ANO3: variants seen among roughly 807,000 people sequenced by gnomAD.
The protein encoded by ANO3 is anoctamin-3.
In ANO3, 99 loss-of-function variants were observed where a neutral mutation model predicts 144.8. The observed-to-expected ratio is 0.68, with a 90% CI of 0.58 to 0.81. ANO3 has a LOEUF of 0.81. Ranked by LOEUF, ANO3 falls within the 30% of genes least tolerant of loss-of-function variation. The pLI is 0.00. For missense variants in ANO3, 905 were observed against 1,202.2 expected (o/e 0.75, Z 3.66); for synonymous variants, 414 against 392.6 (o/e 1.05, Z -0.64).
chr11:26,577,255 AT>A (rs1425954702), intron 14 of ANO3, among the ~76,000 whole-genome samples: 2 of 152,050 alleles, frequency 1.3e-5, no homozygotes, highest in Admixed American at 6.6e-5. Context: ...TAGGTATCAG[AT>A]TTTTTTTAAA....
chr11:26,300,912 G>T (rs1854216347), intron 1 of ANO3, among the ~76,000 whole-genome samples: 1 of 143,746 alleles, frequency 7.0e-6, no homozygotes, highest in South Asian at 2.2e-4. Flanking sequence ...GAAGTGCAGT[G>T]GTGCAATTTC....
intron 1 of ANO3, among the ~76,000 whole-genome samples, chr11:26,416,876 C>G (rs10501049): frequency 0.081 from 12,335 of 152,052 alleles, 651 homozygotes; most frequent in Non-Finnish European, 0.12. Context: ...TGGGTAAACA[C>G]AAGGAAATGT....
At chr11:26,226,126 A>G (rs922285822) in intron 1 of ANO3, among the ~76,000 whole-genome samples, 1 of 152,084 alleles carries the variant, frequency 6.6e-6, no homozygotes, top group African/African-American at 2.4e-5. Flanking sequence ...GTGTTTCCCT[A>G]AATCACTTTC....
At chr11:26,451,439 C>A (rs1441654056) in intron 3 of ANO3, among the ~76,000 whole-genome samples, 2 of 152,232 alleles carry the variant, frequency 1.3e-5, no homozygotes, top group Non-Finnish European at 2.9e-5. Flanking sequence ...TTAAATCCTG[C>A]ACCTGGCTCG....
intron 1 of ANO3, among the ~76,000 whole-genome samples, chr11:26,296,330 T>TTC (rs1854086983): frequency 2.0e-5 from 3 of 152,094 alleles, no homozygotes; most frequent in African/African-American, 7.3e-5. Flanking sequence ...ACAAAACATC[T>TTC]ACAAGAGATG....
intron 1 of ANO3, among the ~76,000 whole-genome samples, chr11:26,377,510 TATAAC>T (rs1213555608): frequency 1.3e-5 from 2 of 151,652 alleles, no homozygotes; most frequent in Non-Finnish European, 2.9e-5. Context: ...AAACGCAAAA[TATAAC>T]AGAAAACAAT....
intron 4 of ANO3, among the ~76,000 whole-genome samples, chr11:26,490,619 G>A (rs537662075): frequency 5.9e-5 from 9 of 152,208 alleles, no homozygotes; most frequent in East Asian, 1.9e-4. Flanking sequence ...ACAGTATAAC[G>A]TCACAGAGAA....
Position 26,553,242 on chromosome 11 carries a change from T to TTTTAAAAAA in ANO3, c.1290-7_1290-6insTTTAAAAAA. 2 of 1,429,464 alleles carry TTTTAAAAAA rather than the reference T, an allele frequency of 1.4e-6. No homozygotes were observed. Among genetic ancestry groups the TTTTAAAAAA allele is most frequent in the Non-Finnish European group, 2.0e-6 (2 of 1,024,176 alleles). The allele number at this position is 1,429,464 out of a possible 1,614,324, so 88.5% of individuals were successfully genotyped here. On this transcript the variant is annotated splice_polypyrimidine_tract_variant and splice_region_variant and intron_variant, in intron 12 of 26. Coordinates refer to ENST00000256737, the MANE Select transcript of ANO3 (RefSeq NM_031418.4). ...TTGTTTTGTTTTTGTTTTTGTTTTTTCTCAAGCCAAGAAATTTGTAAAGCC... is the reference window on the plus strand; with the variant it reads ...TTGTTTTGTTTTTGTTTTTGTTTTTTTTTAAAAAACTCAAGCCAAGAAATTTGTAAAGCC...
intron 17 of ANO3, among the ~76,000 whole-genome samples, chr11:26,621,099 T>A (rs542483907): frequency 2.0e-5 from 3 of 152,272 alleles, no homozygotes; most frequent in African/African-American, 7.2e-5. Context: ...CTAAAACCCA[T>A]GTAGAACTGC....
At chr11:26,659,851 G>A (rs1853823422) in intron 26 of ANO3, among the ~76,000 whole-genome samples, 1 of 152,042 alleles carries the variant, frequency 6.6e-6, no homozygotes, top group African/African-American at 2.4e-5. Context: ...AGCATAACAG[G>A]CAGACTGCAT....
At chr11:26,594,266 G>C (rs562705787) in intron 14 of ANO3, among the ~76,000 whole-genome samples, 1 of 152,176 alleles carries the variant, frequency 6.6e-6, no homozygotes, top group Non-Finnish European at 1.5e-5. Context: ...ACTGGGAACT[G>C]CCTGCTGGCC....
intron 1 of ANO3, among the ~76,000 whole-genome samples, chr11:26,245,183 C>A (rs1852762593): frequency 6.6e-6 from 1 of 152,054 alleles, no homozygotes; most frequent in Non-Finnish European, 1.5e-5. Context: ...CTTCCTGGAA[C>A]ATTTTATCAG....
chr11:26,594,720 G>C (rs1470987097), intron 14 of ANO3, among the ~76,000 whole-genome samples: 1 of 152,110 alleles, frequency 6.6e-6, no homozygotes, highest in Non-Finnish European at 1.5e-5. Context: ...CCAGGGCAGG[G>C]AGGTAGACTC....
chr11:26,271,778 C>T (rs11822673), intron 1 of ANO3, among the ~76,000 whole-genome samples: 1 of 150,612 alleles, frequency 6.6e-6, no homozygotes, highest in African/African-American at 2.4e-5. Flanking sequence ...ATATTCTTTC[C>T]GCCTAGCACA....
At chr11:26,332,100 A>G, upstream of ANO3, 1 of 1,479,338 alleles carries the variant, frequency 6.8e-7, no homozygotes, top group Non-Finnish European at 8.9e-7. Context: ...CCGCGTTCCC[A>G]TGACAACGAC....
intron 3 of ANO3, chr11:26,460,037 A>G: frequency 2.2e-6 from 1 of 447,112 alleles, no homozygotes; most frequent in South Asian, 1.6e-5. Flanking sequence ...ACTTCCCACC[A>G]GTCTTCATTT....
intron 1 of ANO3, among the ~76,000 whole-genome samples, chr11:26,367,454 T>A (rs1856124555): frequency 6.6e-6 from 1 of 152,190 alleles, no homozygotes; most frequent in Admixed American, 6.5e-5. Context: ...TGTCACCATT[T>A]TGATCACAAC....
At chr11:26,326,592 G>A (rs1854889660) in intron 1 of ANO3, among the ~76,000 whole-genome samples, 1 of 152,260 alleles carries the variant, frequency 6.6e-6, no homozygotes, top group East Asian at 1.9e-4. Flanking sequence ...GCCTGGTCAT[G>A]TTCAAATAGA....
intron 1 of ANO3, among the ~76,000 whole-genome samples, chr11:26,197,766 C>T (rs575517501): frequency 9.2e-5 from 14 of 152,236 alleles, no homozygotes; most frequent in African/African-American, 3.1e-4. Context: ...GTCAGCCTTC[C>T]CCTACCGCTT....
Sources: gnomAD v4.1 joint callset for allele counts (sites outside exome capture counted in the v4.1 genomes callset) on GRCh38, gnomAD v4.1.1 for gene constraint, MANE v1.5 for transcripts, NCBI Gene and HGNC (gene_info 2026-07-23, HGNC 2026-07-21) for gene names.